Variants in IL20RA observed in about 807,000 individuals in gnomAD.
IL20RA encodes the protein interleukin-20 receptor subunit alpha.
Under a neutral mutation model 36.5 loss-of-function variants are expected in IL20RA, and 29 were observed. The observed-to-expected ratio is 0.79, with a 90% CI of 0.59 to 1.08. The LOEUF is 1.08. IL20RA is among the 50% of genes least tolerant of loss of function. The pLI is 0.00. For synonymous variants in IL20RA, 279 were observed against 267.1 expected, an observed-to-expected ratio of 1.04 and a Z score of -0.43; for missense variants, 652 against 668.4, an observed-to-expected ratio of 0.98 and a Z score of 0.27.
intron 1 of IL20RA, among the ~76,000 whole-genome samples, chr6:137,033,486 T>C (rs1776370596): frequency 1.3e-5 from 2 of 152,188 alleles, no homozygotes; most frequent in South Asian, 2.1e-4. Flanking sequence ...GCATTAGTGG[T>C]TTAGCACCAC....
chr6:137,029,921 GA>G lies in IL20RA; in HGVS notation c.89-12819del, dbSNP rs775960243. Among the ~76,000 whole-genome samples, 8 of 114,206 alleles carry G rather than the reference GA, an allele frequency of 7.0e-5. No individual in the cohort carries two copies. The East Asian group carries it at 1.3e-3, about 19-fold the overall frequency. The allele number at this position is 114,206 out of a possible 152,430, so 74.9% of individuals were successfully genotyped here. ...GAAAGTCAACAAGATAAAAGTGCAA[GA>G]AAAAAATAATAGAAAAGGTAAAAAA... On this transcript the variant is annotated intron_variant, in intron 1 of 6. Coordinates refer to ENST00000316649, the MANE Select transcript of IL20RA (RefSeq NM_014432.4).
intron 1 of IL20RA, among the ~76,000 whole-genome samples, chr6:137,030,518 C>T (rs1260212344): frequency 1.3e-5 from 2 of 152,162 alleles, no homozygotes; most frequent in African/African-American, 4.8e-5. Context: ...ACACACACTT[C>T]TGGGTGCCTC....
chr6:137,016,634 G>A (rs1775695342), intron 2 of IL20RA, among the ~76,000 whole-genome samples: 1 of 152,134 alleles, frequency 6.6e-6, no homozygotes, highest in Non-Finnish European at 1.5e-5. Context: ...GTTTCAAGGA[G>A]TCTAAGGATG....
chr6:137,004,163 T>G (rs190995226), intron 6 of IL20RA, among the ~76,000 whole-genome samples: 22,033 of 97,902 alleles, frequency 0.23, 6,063 homozygotes, highest in East Asian at 0.43. Context: ...AGAAAGCTTT[T>G]TTTTTTTTTT....
chr6:137,024,022 A>G (rs1776000386), intron 1 of IL20RA, among the ~76,000 whole-genome samples: 1 of 152,196 alleles, frequency 6.6e-6, no homozygotes, highest in South Asian at 2.1e-4. Context: ...TGAACCCAGG[A>G]GGTGGAGGTT....
At chr6:137,023,532 G>T (rs1024758836) in intron 1 of IL20RA, among the ~76,000 whole-genome samples, 1 of 152,202 alleles carries the variant, frequency 6.6e-6, no homozygotes, top group African/African-American at 2.4e-5. Flanking sequence ...AGAAAAGACT[G>T]TATAGACCAA....
chr6:137,018,537 T>A (rs1355498500), intron 1 of IL20RA, among the ~76,000 whole-genome samples: 2 of 151,680 alleles, frequency 1.3e-5, no homozygotes, highest in Non-Finnish European at 2.9e-5. Context: ...TGTGTGTGTG[T>A]GTGTGTGTGT....
intron 2 of IL20RA, among the ~76,000 whole-genome samples, chr6:137,016,751 A>G (rs1775701072): frequency 6.6e-6 from 1 of 152,104 alleles, no homozygotes. Flanking sequence ...TGTCTAAATA[A>G]CCTTGCCTTG....
Position 137,009,102 on chromosome 6 carries a change from C to G in IL20RA, c.579+215G>C, listed in dbSNP as rs1408501426. ...GTACAATCTCTCTACACTCCAATAACAACACCATATCCTGTCAACAGAGTT... is the reference window on the plus strand; with the variant it reads ...GTACAATCTCTCTACACTCCAATAAGAACACCATATCCTGTCAACAGAGTT... On this transcript the variant is annotated intron_variant, in intron 4 of 6. Transcript: ENST00000316649. 13 of 609,210 alleles carry G rather than the reference C, an allele frequency of 2.1e-5. No homozygotes were observed. In the East Asian group the frequency reaches 3.6e-4, roughly 17 times the overall value. 37.7% of individuals were successfully genotyped at this position (609,210 alleles called of 1,614,324 possible).
At chr6:137,017,509 C>A (rs1775745133) in intron 1 of IL20RA, among the ~76,000 whole-genome samples, 1 of 152,156 alleles carries the variant, frequency 6.6e-6, no homozygotes, top group African/African-American at 2.4e-5. Flanking sequence ...GCAGAAGAAT[C>A]ATCTGGCAGA....
chr6:137,021,568 A>G (rs940750456), intron 1 of IL20RA, among the ~76,000 whole-genome samples: 1 of 151,492 alleles, frequency 6.6e-6, no homozygotes, highest in African/African-American at 2.4e-5. Flanking sequence ...AGTCCCAGCT[A>G]TTTGGGAGGT....
chr6:137,038,600 C>T (rs1027182497), intron 1 of IL20RA, among the ~76,000 whole-genome samples: 9 of 151,974 alleles, frequency 5.9e-5, no homozygotes, highest in Admixed American at 2.0e-4. Context: ...AAACTGTAGA[C>T]TAAGAAAATG....
At chr6:137,030,302 T>C (rs1301169828) in intron 1 of IL20RA, among the ~76,000 whole-genome samples, 1 of 151,880 alleles carries the variant, frequency 6.6e-6, no homozygotes, top group East Asian at 1.9e-4. Flanking sequence ...CCCAAGCTGG[T>C]CTCAAACTTT....
At chr6:137,012,164 G>A (rs1775523941) in intron 2 of IL20RA, among the ~76,000 whole-genome samples, 1 of 152,092 alleles carries the variant, frequency 6.6e-6, no homozygotes. Context: ...TGGGAAAGGT[G>A]ATGGGTTACA....
intron 5 of IL20RA, among the ~76,000 whole-genome samples, chr6:137,008,114 T>A (rs1210297169): frequency 6.6e-6 from 1 of 152,106 alleles, no homozygotes; most frequent in Non-Finnish European, 1.5e-5. Context: ...ACTACAGGCA[T>A]GCACTACCAA....
intron 1 of IL20RA, among the ~76,000 whole-genome samples, chr6:137,028,942 G>A (rs947557528): frequency 6.6e-6 from 1 of 152,126 alleles, no homozygotes; most frequent in Non-Finnish European, 1.5e-5. Context: ...CAAACTTGTG[G>A]AAAGTGGCTT....
chr6:137,026,893 T>C (rs1481106140), intron 1 of IL20RA, among the ~76,000 whole-genome samples: 1 of 152,194 alleles, frequency 6.6e-6, no homozygotes, highest in Admixed American at 6.5e-5. Context: ...TCTTCTTTTT[T>C]TTTTTGAGAT....
intron 1 of IL20RA, among the ~76,000 whole-genome samples, chr6:137,031,817 G>A (rs1446380208): frequency 1.3e-5 from 2 of 152,120 alleles, no homozygotes; most frequent in Non-Finnish European, 2.9e-5. Context: ...CATTTTGGGA[G>A]GCCGAGGTTG....
Position 137,044,678 on chromosome 6 carries a change from C to T in IL20RA, c.51G>A (p.Leu17=). Residue 17 remains leucine, a synonymous_variant, in exon 1 of 7, where the codon CTG becomes CTA. Transcript: ENST00000316649. The part of the protein sequence containing the change: ...PALRPLPLPP[L]LLLLLAAPWG... ...AAGGCGCCGCCAGGAGCAACAGCAG[C>T]AGCGGCGGCAGCGGCAGCGGCCGCA... 8.2e-7 allele frequency: 1 copy of T among 1,224,344 alleles called. No homozygotes were observed. The highest frequency in any genetic ancestry group is 1.0e-6 in the Non-Finnish European group (1 of 984,422). 75.8% of individuals were successfully genotyped at this position (1,224,344 alleles called of 1,614,324 possible). A position where few individuals can be genotyped will look rare whatever the true frequency, so the allele number is the denominator to read the frequency against.
Sources: gnomAD v4.1 joint callset for allele counts (sites outside exome capture counted in the v4.1 genomes callset) on GRCh38, gnomAD v4.1.1 for gene constraint, MANE v1.5 for transcripts, NCBI Gene and HGNC (gene_info 2026-07-23, HGNC 2026-07-21) for gene names.